DPP10: variants seen among roughly 807,000 people sequenced by gnomAD.
DPP10 encodes the protein dipeptidyl peptidase like 10.
DPP10 carries 33 observed loss-of-function variants against 120.9 expected under a neutral mutation model. That is an observed-to-expected ratio of 0.27 (90% CI 0.21 to 0.37). The LOEUF (loss-of-function observed/expected upper bound fraction) is 0.37, where lower values mean the gene tolerates loss of function less well. Ranked by LOEUF, DPP10 falls within the 10% of genes least tolerant of loss-of-function variation. DPP10 has a pLI of 1.00. For missense variants in DPP10, 816 were observed against 942.8 expected (o/e 0.87, Z 1.76); for synonymous variants, 337 against 326.1 (o/e 1.03, Z -0.36).
chr2:115,205,519 A>G (rs1296563634), intron 1 of DPP10, among the ~76,000 whole-genome samples: 1 of 152,138 alleles, frequency 6.6e-6, no homozygotes, highest in Non-Finnish European at 1.5e-5. Flanking sequence ...CAGCAATGCC[A>G]TTACTTTGTA....
At chr2:114,911,949 G>A (rs993405817) in intron 1 of DPP10, among the ~76,000 whole-genome samples, 1 of 152,130 alleles carries the variant, frequency 6.6e-6, no homozygotes, top group Non-Finnish European at 1.5e-5. Flanking sequence ...GGCTCCAGGG[G>A]AAATATTTTT....
intron 1 of DPP10, among the ~76,000 whole-genome samples, chr2:114,864,906 A>G (rs915535496): frequency 6.6e-6 from 1 of 152,226 alleles, no homozygotes; most frequent in Non-Finnish European, 1.5e-5. Context: ...TTGGGAAACA[A>G]CGGTAATCCT....
intron 1 of DPP10, among the ~76,000 whole-genome samples, chr2:114,677,006 C>T (rs758820826): frequency 4.6e-4 from 70 of 152,142 alleles, no homozygotes; most frequent in African/African-American, 1.1e-3. Flanking sequence ...TGCCCAAGTC[C>T]GCATCATTTG....
intron 1 of DPP10, among the ~76,000 whole-genome samples, chr2:114,872,203 C>T (rs1440357109): frequency 6.6e-6 from 1 of 152,098 alleles, no homozygotes; most frequent in Non-Finnish European, 1.5e-5. Flanking sequence ...CTATGGAGGC[C>T]TCAGGAAACT....
At chr2:114,819,540 T>C (rs148016378) in intron 1 of DPP10, among the ~76,000 whole-genome samples, 35 of 152,358 alleles carry the variant, frequency 2.3e-4, no homozygotes, top group Admixed American at 1.2e-3. Context: ...GACATTGTAA[T>C]CATGCATCAG....
intron 1 of DPP10, among the ~76,000 whole-genome samples, chr2:115,016,067 G>T (rs565329652): frequency 6.6e-6 from 1 of 152,222 alleles, no homozygotes; most frequent in East Asian, 1.9e-4. Context: ...AAAGAACAAG[G>T]CTGGAAGCAT....
intron 3 of DPP10, among the ~76,000 whole-genome samples, chr2:115,379,567 A>T (rs2066123511): frequency 6.6e-6 from 1 of 151,514 alleles, no homozygotes; most frequent in Non-Finnish European, 1.5e-5. Context: ...TTCTGCTCTG[A>T]TTTTAGTTAT....
intron 1 of DPP10, among the ~76,000 whole-genome samples, chr2:114,910,863 T>C (rs1694315037): frequency 6.6e-6 from 1 of 152,178 alleles, no homozygotes; most frequent in East Asian, 1.9e-4. Context: ...TTTTCTAAAA[T>C]GATCTAAAGA....
intron 1 of DPP10, among the ~76,000 whole-genome samples, chr2:115,291,602 A>AT (rs1213776671): frequency 6.6e-6 from 1 of 152,068 alleles, no homozygotes; most frequent in South Asian, 2.1e-4. Flanking sequence ...TTATTTACAC[A>AT]TTTTTTTCAT....
chr2:115,588,902 C>A, intron 5 of DPP10, among the ~76,000 whole-genome samples: 1 of 152,078 alleles, frequency 6.6e-6, no homozygotes, highest in East Asian at 1.9e-4. Flanking sequence ...TCAGGTATGC[C>A]TAGACCATAA....
chr2:114,476,939 C>T (rs1680428525), intron 1 of DPP10, among the ~76,000 whole-genome samples: 1 of 151,852 alleles, frequency 6.6e-6, no homozygotes, highest in Non-Finnish European at 1.5e-5. Flanking sequence ...ATTAGTTTGC[C>T]CTTAAGTTCT....
intron 1 of DPP10, among the ~76,000 whole-genome samples, chr2:115,279,652 C>CTTTTTTTTTTT (rs1244784112): frequency 2.8e-5 from 1 of 35,252 alleles, no homozygotes; most frequent in South Asian, 1.0e-3. Flanking sequence ...TTTTTTTCTT[C>CTTTTTTTTTTT]TTCTTTTTTT....
chr2:115,378,357 C>G (rs576676382), intron 3 of DPP10, among the ~76,000 whole-genome samples: 87 of 143,298 alleles, frequency 6.1e-4, no homozygotes, highest in Admixed American at 1.2e-3. Flanking sequence ...CTCTGTTTGT[C>G]TGTTGTTGGT....
At chr2:115,492,239 T>C (rs2076164013) in intron 3 of DPP10, among the ~76,000 whole-genome samples, 1 of 152,108 alleles carries the variant, frequency 6.6e-6, no homozygotes, top group Non-Finnish European at 1.5e-5. Flanking sequence ...AAATAACCTA[T>C]TAAAGATAAA....
intron 1 of DPP10, among the ~76,000 whole-genome samples, chr2:115,002,519 G>A (rs889050538): frequency 2.1e-5 from 3 of 141,228 alleles, no homozygotes; most frequent in Non-Finnish European, 4.9e-5. Flanking sequence ...ATTGATAAAT[G>A]GCATCTAATT....
chr2:115,527,927 C>T lies in DPP10; in HGVS notation c.441+1955C>T, dbSNP rs537819276. Among the ~76,000 whole-genome samples, 91 of 152,184 alleles carry T rather than the reference C, an allele frequency of 6.0e-4. 1 individual carries two copies. Among genetic ancestry groups the T allele is most frequent in the African/African-American group, 2.0e-3 (85 of 41,526 alleles). ...ATTGCAGTTGGAATGTATAATGGTA[C>T]AGCTACTTTGGAAGATATTTTGATA... On this transcript the variant is annotated intron_variant, in intron 5 of 25. Transcript: ENST00000410059.
chr2:115,560,209 TAATACAAAAAAATTAG>T (rs2080479588), intron 5 of DPP10, among the ~76,000 whole-genome samples: 1 of 147,216 alleles, frequency 6.8e-6, no homozygotes, highest in South Asian at 2.2e-4. Flanking sequence ...TCTCTACTAA[TAATACAAAAAAATTAG>T]CCAGGTGTGG....
chr2:114,582,718 A>G (rs1690636229), intron 1 of DPP10, among the ~76,000 whole-genome samples: 1 of 152,004 alleles, frequency 6.6e-6, no homozygotes, highest in Non-Finnish European at 1.5e-5. Flanking sequence ...TCATATGCTT[A>G]TTTGCCATCT....
chr2:114,910,814 A>C (rs904465818), intron 1 of DPP10, among the ~76,000 whole-genome samples: 3 of 152,122 alleles, frequency 2.0e-5, no homozygotes, highest in Admixed American at 2.0e-4. Context: ...ATAGGGTTTA[A>C]ATTTTGATAC....
Sources: gnomAD v4.1 joint callset for allele counts (sites outside exome capture counted in the v4.1 genomes callset) on GRCh38, gnomAD v4.1.1 for gene constraint, MANE v1.5 for transcripts, NCBI Gene and HGNC (gene_info 2026-07-23, HGNC 2026-07-21) for gene names.